The following ADD2 variants were observed in gnomAD, a reference collection of about 807,000 sequenced individuals.
ADD2 encodes the protein adducin 2.
ADD2 carries 23 observed loss-of-function variants against 83.0 expected under a neutral mutation model. The observed-to-expected ratio is 0.28, with a 90% CI of 0.20 to 0.39. The LOEUF is 0.39. ADD2 is among the 10% of genes least tolerant of loss of function. ADD2 has a pLI of 1.00. For synonymous variants in ADD2, 375 were observed against 375.4 expected (o/e 1.00, Z 0.01); for missense variants, 758 against 944.9 (o/e 0.80, Z 2.59).
intron 3 of ADD2, among the ~76,000 whole-genome samples, chr2:70,705,408 G>A (rs951192810): frequency 3.2e-5 from 4 of 123,704 alleles, no homozygotes; most frequent in Admixed American, 2.3e-4. Flanking sequence ...AAGGCAGAGC[G>A]GCTCCCATCT....
intron 9 of ADD2, among the ~76,000 whole-genome samples, chr2:70,686,143 G>A (rs1313545149): frequency 6.6e-6 from 1 of 152,226 alleles, no homozygotes; most frequent in Non-Finnish European, 1.5e-5. Flanking sequence ...GGCTAGGGCT[G>A]CGCTCCCAGC....
intron 4 of ADD2, among the ~76,000 whole-genome samples, chr2:70,697,807 G>C (rs1338274138): frequency 6.6e-6 from 1 of 152,168 alleles, no homozygotes; most frequent in African/African-American, 2.4e-5. Flanking sequence ...AAAAAGCGAG[G>C]GCAGACTGGG....
At chr2:70,734,112 A>T (rs1295118633) in intron 1 of ADD2, among the ~76,000 whole-genome samples, 3 of 152,154 alleles carry the variant, frequency 2.0e-5, no homozygotes, top group African/African-American at 7.2e-5. Context: ...TTTCTAGCAC[A>T]TCACTGGAGT....
chr2:70,757,097 G>A (rs1474867116), intron 1 of ADD2, among the ~76,000 whole-genome samples: 1 of 152,106 alleles, frequency 6.6e-6, no homozygotes, highest in Non-Finnish European at 1.5e-5. Context: ...CAAAGTGCTG[G>A]GATTACAGGG....
At chr2:70,766,714 G>A (rs1574340984) in intron 1 of ADD2, among the ~76,000 whole-genome samples, 1 of 152,278 alleles carries the variant, frequency 6.6e-6, no homozygotes, top group South Asian at 2.1e-4. Flanking sequence ...CTTCTGCCAG[G>A]ATGCCAGACC....
intron 1 of ADD2, among the ~76,000 whole-genome samples, chr2:70,727,150 C>A (rs545110640): frequency 6.6e-6 from 1 of 152,136 alleles, no homozygotes; most frequent in African/African-American, 2.4e-5. Flanking sequence ...GCCATAGACT[C>A]GGAGCAGGAA....
At chr2:70,667,071 G>T (rs1316700226) in intron 15 of ADD2, among the ~76,000 whole-genome samples, 1 of 152,182 alleles carries the variant, frequency 6.6e-6, no homozygotes, top group East Asian at 1.9e-4. Context: ...CTGTCAACAG[G>T]CTGAAAACCA....
At chr2:70,727,389 GCCTCTC>G (rs113130593) in intron 1 of ADD2, among the ~76,000 whole-genome samples, 156 of 151,882 alleles carry the variant, frequency 1.0e-3, no homozygotes, top group African/African-American at 2.1e-3. Flanking sequence ...ACGCCTAATT[GCCTCTC>G]CCTCTCCCTC....
Position 70,704,392 on chromosome 2 carries a change from A to G in ADD2, c.251T>C (p.Ile84Thr). The G allele has an allele frequency of 6.2e-7, 1 of 1,614,030 alleles. No homozygotes were observed. The highest frequency in any genetic ancestry group is 8.5e-7 in the Non-Finnish European group (1 of 1,180,008). ...GTCCGCGATCTGTCGCAGGGCCCAGATGTTGGAGGAGTTGTTCCCCTTCTT... is the reference window on the plus strand; with the variant it reads ...GTCCGCGATCTGTCGCAGGGCCCAGGTGTTGGAGGAGTTGTTCCCCTTCTT... Reference protein sequence around the residue: ...QMKKGNNSSNIWALRQIADFM... With the variant: ...QMKKGNNSSNTWALRQIADFM... The change falls in exon 4 of 16, where the codon ATC (isoleucine) becomes ACC (threonine). Residue 84 changes from isoleucine (I) to threonine (T), a missense_variant. Ile to Thr is a moderately conservative substitution (Grantham distance 89, BLOSUM62 -1). Transcript: ENST00000264436.
rs1669974424 is a variant in ADD2 at position 70,673,040 on chromosome 2, T to C, written c.1742-34A>G. ...ACAGAAAAACACCTCAGGATAGAGG[T>C]CAAATAGAGAAGAGATGGGCAGGGA... On this transcript the variant is annotated intron_variant, in intron 14 of 15. Transcript: ENST00000264436. The C allele has an allele frequency of 5.0e-6, 8 of 1,598,986 alleles. No homozygotes were observed. In the East Asian group the frequency reaches 1.8e-4, roughly 36 times the overall value.
chr2:70,741,693 C>T (rs891159199), intron 1 of ADD2, among the ~76,000 whole-genome samples: 1 of 152,206 alleles, frequency 6.6e-6, no homozygotes, highest in African/African-American at 2.4e-5. Context: ...ATGATGACAA[C>T]TCCATCAGCT....
At chr2:70,704,030 T>C (rs974770788) in intron 4 of ADD2, among the ~76,000 whole-genome samples, 67 of 152,134 alleles carry the variant, frequency 4.4e-4, no homozygotes, top group Non-Finnish European at 7.4e-5. Context: ...GCCTGTCTAG[T>C]GGGGCATGGA....
chr2:70,735,667 T>C (rs1673510031), intron 1 of ADD2, among the ~76,000 whole-genome samples: 1 of 151,670 alleles, frequency 6.6e-6, no homozygotes, highest in South Asian at 2.1e-4. Context: ...CCCACACCCA[T>C]GTTCACCTCT....
rs577576259 is a variant in ADD2, at chr2:70,714,399, AAGG to A, written c.-153-1218_-153-1216del. 1.2e-3 allele frequency among the ~76,000 whole-genome samples: 179 copies of A among 152,304 alleles called. 1 individual carries two copies. The highest frequency in any genetic ancestry group is 2.1e-3 in the Non-Finnish European group (143 of 68,044). On this transcript the variant is annotated intron_variant, in intron 1 of 15. Coordinates refer to ENST00000264436, the MANE Select transcript of ADD2 (RefSeq NM_001617.4). ...GAGACTCGTCCCACCAATGAGGGACAAGGAGAACTCATCTTGGTAGGTACAATG... is the reference window on the plus strand; with the variant it reads ...GAGACTCGTCCCACCAATGAGGGACAAGAACTCATCTTGGTAGGTACAATG...
intron 15 of ADD2, among the ~76,000 whole-genome samples, chr2:70,672,134 A>G (rs1337573020): frequency 6.6e-6 from 1 of 152,238 alleles, no homozygotes; most frequent in Non-Finnish European, 1.5e-5. Flanking sequence ...AAGGGACTAT[A>G]TGAGTAGCCC....
chr2:70,763,846 C>A (rs1231994918), intron 1 of ADD2, among the ~76,000 whole-genome samples: 1 of 151,538 alleles, frequency 6.6e-6, no homozygotes, highest in Non-Finnish European at 1.5e-5. Context: ...GTCAGACAGT[C>A]TGGTGTCACT....
intron 4 of ADD2, among the ~76,000 whole-genome samples, chr2:70,701,677 C>T (rs1455597457): frequency 2.0e-5 from 3 of 152,006 alleles, no homozygotes; most frequent in Admixed American, 6.6e-5. Flanking sequence ...CTAGTGTATA[C>T]ACACATGCAC....
At chr2:70,675,436 A>T (rs1670083772) in intron 13 of ADD2, 1 of 985,390 alleles carries the variant, frequency 1.0e-6, no homozygotes, top group East Asian at 1.1e-4. Context: ...CTGCAGGGAT[A>T]CTGGCAAAAT....
intron 4 of ADD2, among the ~76,000 whole-genome samples, chr2:70,700,531 T>G (rs552916927): frequency 8.5e-5 from 13 of 152,216 alleles, no homozygotes; most frequent in African/African-American, 2.9e-4. Context: ...TTTATGCTGC[T>G]CTAGAAAATA....
Sources: gnomAD v4.1 joint callset for allele counts (sites outside exome capture counted in the v4.1 genomes callset) on GRCh38, gnomAD v4.1.1 for gene constraint, MANE v1.5 for transcripts, NCBI Gene and HGNC (gene_info 2026-07-23, HGNC 2026-07-21) for gene names.